The following KCNMA1 variants were observed in gnomAD, a reference collection of about 807,000 sequenced individuals.
KCNMA1 encodes the protein potassium calcium-activated channel subfamily M alpha 1, also known as Calcium-activated potassium channel subunit alpha-1.
Under a neutral mutation model 140.0 loss-of-function variants are expected in KCNMA1, and 29 were observed. The observed-to-expected ratio is 0.21, with a 90% CI of 0.15 to 0.28. The LOEUF is 0.28. Among genes scored for constraint, KCNMA1 ranks in the 10% least tolerant of loss-of-function variants. The pLI is 1.00. For missense variants in KCNMA1, 880 were observed against 1,602.2 expected (o/e 0.55, Z 7.70); for synonymous variants, 612 against 611.9 (o/e 1.00, Z 0.00).
chr10:76,887,233 T>A lies in KCNMA1; in HGVS notation c.*33A>T, dbSNP rs539722330. On this transcript the variant is annotated 3_prime_UTR_variant, in exon 28 of 28. Coordinates refer to ENST00000286628, the MANE Select transcript of KCNMA1 (RefSeq NM_001161352.2). The stretch of plus-strand genomic sequence containing the variant: ...ACCAACTGGGGAAATGAGTGGCAGA[T>A]ACAGTTTCACACAGTGGCGGTGGAT... 1.7e-5 allele frequency: 28 copies of A among 1,613,696 alleles called. No homozygotes were observed. Among genetic ancestry groups the A allele is most frequent in the Non-Finnish European group, 2.2e-5 (26 of 1,179,958 alleles).
chr10:77,102,979 A>G (rs2097131773), intron 9 of KCNMA1, among the ~76,000 whole-genome samples: 1 of 152,180 alleles, frequency 6.6e-6, no homozygotes, highest in Non-Finnish European at 1.5e-5. Flanking sequence ...TGCCTGATGC[A>G]TAACACAGAG....
chr10:77,456,810 G>A (rs964590857), intron 1 of KCNMA1, among the ~76,000 whole-genome samples: 2 of 152,156 alleles, frequency 1.3e-5, no homozygotes, highest in Non-Finnish European at 2.9e-5. Flanking sequence ...GGAGAGGCAG[G>A]GAACAGACAG....
chr10:77,135,384 T>C (rs2097987574), intron 5 of KCNMA1, among the ~76,000 whole-genome samples: 1 of 152,188 alleles, frequency 6.6e-6, no homozygotes, highest in African/African-American at 2.4e-5. Context: ...CCTTGCATAC[T>C]GTTGATGGGA....
intron 2 of KCNMA1, among the ~76,000 whole-genome samples, chr10:77,385,145 C>T (rs943583726): frequency 6.6e-6 from 1 of 152,138 alleles, no homozygotes; most frequent in Non-Finnish European, 1.5e-5. Flanking sequence ...AACAGAGAGC[C>T]TGGTCTCTCC....
chr10:77,133,558 A>G (rs920868788), intron 5 of KCNMA1, among the ~76,000 whole-genome samples: 13 of 151,506 alleles, frequency 8.6e-5, no homozygotes, highest in Non-Finnish European at 1.9e-4. Context: ...CATTATATTA[A>G]AAAGAATAAA....
intron 1 of KCNMA1, among the ~76,000 whole-genome samples, chr10:77,535,054 C>G (rs1207065714): frequency 1.3e-5 from 2 of 152,214 alleles, no homozygotes; most frequent in East Asian, 3.8e-4. Context: ...CGTGGAGATT[C>G]ACCAAGTGCC....
At chr10:77,093,545 G>C (rs1367966283) in intron 9 of KCNMA1, among the ~76,000 whole-genome samples, 2 of 152,202 alleles carry the variant, frequency 1.3e-5, no homozygotes, top group African/African-American at 4.8e-5. Context: ...ATCGGTATTA[G>C]GAGATCTGCT....
intron 1 of KCNMA1, among the ~76,000 whole-genome samples, chr10:77,480,824 G>A (rs1043163295): frequency 3.9e-5 from 6 of 151,950 alleles, no homozygotes; most frequent in South Asian, 2.1e-4. Flanking sequence ...AGACACACAC[G>A]TGCAGCCGGG....
chr10:77,309,546 G>A (rs2078710456), intron 2 of KCNMA1: 1 of 152,256 alleles, frequency 6.6e-6, no homozygotes, highest in Non-Finnish European at 1.5e-5. Flanking sequence ...GTTAGTGCTA[G>A]GGTGGGATCC....
intron 1 of KCNMA1, among the ~76,000 whole-genome samples, chr10:77,474,231 T>C (rs898543987): frequency 1.3e-5 from 2 of 152,102 alleles, no homozygotes; most frequent in African/African-American, 4.8e-5. Flanking sequence ...ACTGAATTGG[T>C]TCCCTGCAAA....
chr10:77,354,731 A>C (rs1171794833), intron 2 of KCNMA1: 1 of 152,186 alleles, frequency 6.6e-6, no homozygotes, highest in Admixed American at 6.5e-5. Flanking sequence ...CCAGAGTACT[A>C]ACTAAGAAGA....
intron 1 of KCNMA1, among the ~76,000 whole-genome samples, chr10:77,627,828 A>T (rs1245431101): frequency 2.6e-5 from 4 of 152,192 alleles, no homozygotes; most frequent in Non-Finnish European, 4.4e-5. Context: ...TCATAAACAC[A>T]CTGGTAGGGT....
chr10:77,021,161 C>A (rs545348838), intron 16 of KCNMA1: 3 of 152,126 alleles, frequency 2.0e-5, no homozygotes, highest in Non-Finnish European at 4.4e-5. Context: ...AAGAACTGTA[C>A]GCTACAGAAT....
At chr10:77,159,450 C>T (rs2098529923) in intron 5 of KCNMA1, among the ~76,000 whole-genome samples, 2 of 152,118 alleles carry the variant, frequency 1.3e-5, no homozygotes, top group African/African-American at 4.8e-5. Flanking sequence ...GTTCCCAGAG[C>T]CACACCATTT....
At chr10:77,378,999 G>C (rs1337139748) in intron 2 of KCNMA1, among the ~76,000 whole-genome samples, 4 of 152,182 alleles carry the variant, frequency 2.6e-5, no homozygotes, top group African/African-American at 9.7e-5. Flanking sequence ...CAAGCAACAA[G>C]ATGAGACATT....
rs144366269 is a variant in KCNMA1 at position 77,500,979 on chromosome 10, C to T, written c.379-96956G>A. On this transcript the variant is annotated intron_variant, in intron 1 of 27. Transcript: ENST00000286628. ...AAAACACACATTCTCAGACCTATCG[C>T]AGACCTGACCGAAATCAGAAACTCT... is the stretch of plus-strand genomic sequence containing the variant. Among the ~76,000 whole-genome samples the T allele has an allele frequency of 2.8e-3, 421 of 152,326 alleles. 1 individual carries two copies. The highest frequency in any genetic ancestry group is 0.017 in the Middle Eastern group (5 of 294).
At chr10:77,619,200 G>T (rs944227374) in intron 1 of KCNMA1, among the ~76,000 whole-genome samples, 1 of 152,130 alleles carries the variant, frequency 6.6e-6, no homozygotes, top group Non-Finnish European at 1.5e-5. Context: ...TTCATAGAGG[G>T]ATCAGCTGGT....
At chr10:77,298,096 C>G (rs974573416) in intron 2 of KCNMA1, among the ~76,000 whole-genome samples, 1 of 152,098 alleles carries the variant, frequency 6.6e-6, no homozygotes, top group African/African-American at 2.4e-5. Context: ...AGAATTGTAT[C>G]GTAAGAATGG....
chr10:76,921,181 G>C (rs1211802440), intron 23 of KCNMA1, among the ~76,000 whole-genome samples: 2 of 152,086 alleles, frequency 1.3e-5, no homozygotes, highest in East Asian at 3.9e-4. Flanking sequence ...TATAAATGAT[G>C]GTTAGAAATC....
Sources: gnomAD v4.1 joint callset for allele counts (sites outside exome capture counted in the v4.1 genomes callset) on GRCh38, gnomAD v4.1.1 for gene constraint, MANE v1.5 for transcripts, NCBI Gene and HGNC (gene_info 2026-07-23, HGNC 2026-07-21) for gene names.